Variants in IQCN observed in about 807,000 individuals in gnomAD.
IQCN encodes the protein IQ motif containing N.
In IQCN, 46 loss-of-function variants were observed where a neutral mutation model predicts 64.4. The observed-to-expected ratio is 0.71, with a 90% CI of 0.56 to 0.91. The LOEUF (loss-of-function observed/expected upper bound fraction) is 0.91, where lower values mean the gene tolerates loss of function less well. Ranked by LOEUF, IQCN falls within the 40% of genes least tolerant of loss-of-function variation. IQCN has a pLI of 0.00. For synonymous variants in IQCN, 733 were observed against 775.6 expected (o/e 0.95, Z 0.91); for missense variants, 1,753 against 1,857.4 (o/e 0.94, Z 1.03).
intron 1 of IQCN, among the ~76,000 whole-genome samples, chr19:18,273,242 G>C (rs1416406419): frequency 2.0e-5 from 3 of 151,696 alleles, no homozygotes; most frequent in Non-Finnish European, 4.4e-5. Context: ...ATGTTGGCCA[G>C]ACTGGTCTCG....
intron 3 of IQCN, 152 bp from the exon 4 acceptor site, chr19:18,258,258 A>C: frequency 1.2e-6 from 1 of 824,384 alleles, no homozygotes. Context: ...CACCCTCCGA[A>C]CTCCCGGGGC....
chr19:18,262,014 G>C (rs564174599), intron 3 of IQCN: 2 of 153,240 alleles, frequency 1.3e-5, no homozygotes, highest in Middle Eastern at 6.8e-3. Flanking sequence ...GGACACCTCA[G>C]TGGCCACAGA....
intron 2 of IQCN, 114 bp downstream of exon 2, chr19:18,269,352 G>A: frequency 9.7e-7 from 1 of 1,027,916 alleles, no homozygotes. Flanking sequence ...AGAGAGCTGG[G>A]ACACTGTCAA....
chr19:18,257,949 A>T lies in IQCN; in HGVS notation c.3335T>A (p.Ile1112Asn), dbSNP rs772484302. The change falls in exon 4 of 4, where the codon ATC becomes AAC. Residue 1112 changes from isoleucine (I) to asparagine (N), a missense_variant. Physicochemically the swap from Ile to Asn is moderately radical, Grantham distance 149 (BLOSUM62 -3). Transcript: ENST00000392413. ...PMVSMQAAEE[I>N]RILAVITIQA... ...GATAGTGATCACTGCGAGGATGCGG[A>T]TCTCCTCTGCAGCCTGCATGGACAC... 1.9e-6 allele frequency: 3 copies of T among 1,612,848 alleles called. No individual in the cohort carries two copies. The highest frequency in any genetic ancestry group is 2.5e-6 in the Non-Finnish European group (3 of 1,179,940).
In IQCN at chr19:18,265,755, A is replaced by C. The variant is rs1417337533; in HGVS notation, c.1785T>G (p.Ala595=). The change falls in exon 3 of 4, where the codon GCT becomes GCG. Residue 595 remains alanine, a synonymous_variant. Coordinates refer to ENST00000392413, the MANE Select transcript of IQCN (RefSeq NM_001145304.2). This position sits in a 1 kb window ranked among gnomAD's most constrained non-coding sequence, Gnocchi z 4.7. Reference sequence around the variant, plus strand: ...CGGCTTCCAAAGGAAGCTCAGCTGCAGCCCTGGGGACCCCAGTTCCCGGAT... The same window carrying C: ...CGGCTTCCAAAGGAAGCTCAGCTGCCGCCCTGGGGACCCCAGTTCCCGGAT... The part of the protein sequence containing the change: ...QPHPGTGVPR[A]AAELPLEAEK... 7 of 1,614,166 alleles carry C rather than the reference A, an allele frequency of 4.3e-6. No homozygotes were observed. Among genetic ancestry groups the C allele is most frequent in the Admixed American group, 3.3e-5 (2 of 60,030 alleles).
At position 18,266,390 on chromosome 19, in the gene IQCN, C is replaced by T. The variant is rs61740748; in HGVS notation, c.1150G>A (p.Gly384Arg). 17 of 1,603,834 alleles carry T rather than the reference C, an allele frequency of 1.1e-5. No homozygotes were observed. The African/African-American group carries it at 2.0e-4, about 19-fold the overall frequency. The change falls in exon 3 of 4, where the codon GGG becomes AGG. Residue 384 changes from glycine to arginine, a missense_variant. By Grantham distance (125) the Gly-to-Arg change is moderately radical. Coordinates refer to ENST00000392413, the MANE Select transcript of IQCN (RefSeq NM_001145304.2). This position sits in a 1 kb window ranked among gnomAD's most constrained non-coding sequence, Gnocchi z 4.3. ...IIKTPAQMYP[G>R]PTVTKTAPHT... ...GGTGCAGTTTTGGTCACTGTGGGCC[C>T]CGGATACATCTGGGCTGGGGTCTTG...
intron 1 of IQCN, among the ~76,000 whole-genome samples, chr19:18,271,196 G>A (rs768512015): frequency 2.1e-5 from 3 of 145,348 alleles, no homozygotes; most frequent in African/African-American, 5.4e-5. Flanking sequence ...AAAACCAGGC[G>A]CAGTGGCTCA....
At position 18,265,866 on chromosome 19, in the gene IQCN, C is replaced by G. The variant is rs760244925; in HGVS notation, c.1674G>C (p.Val558=). Residue 558 remains valine (V), a synonymous_variant, in exon 3 of 4, where the codon GTG becomes GTC. Coordinates refer to ENST00000392413, the MANE Select transcript of IQCN (RefSeq NM_001145304.2). This position sits in a 1 kb window ranked among gnomAD's most constrained non-coding sequence, Gnocchi z 4.7. Reference sequence around the variant, plus strand: ...CCACCTTTGCAGCCTGCTTCACATTCACGGTGGCCTTGGCCTTGGGTGGGT... The same window carrying G: ...CCACCTTTGCAGCCTGCTTCACATTGACGGTGGCCTTGGCCTTGGGTGGGT... ...HENPPKAKAT[V]NVKQAAKVVK... is the part of the protein sequence containing the mutation. 1.2e-5 allele frequency: 20 copies of G among 1,614,090 alleles called. No homozygotes were observed. The highest frequency in any genetic ancestry group is 1.7e-5 in the Non-Finnish European group (20 of 1,180,044).
At position 18,267,283 on chromosome 19, in the gene IQCN, A is replaced by G. The variant is rs1183625551; in HGVS notation, c.257T>C (p.Val86Ala). 1.2e-6 allele frequency: 2 copies of G among 1,614,140 alleles called. No individual in the cohort carries two copies. Among genetic ancestry groups the G allele is most frequent in the Non-Finnish European group, 1.7e-6 (2 of 1,180,062 alleles). ...GATGTTCTTGAAGGCCTGGCTCTCG[A>G]CCACAGCCCGGAGGCGTGGGACGCG... ...SRRVPRLRAV[V>A]ESQAFKNILV... Residue 86 changes from valine (V) to alanine (A), a missense_variant, in exon 3 of 4, where the codon GTC becomes GCC. Val to Ala is a moderately conservative substitution (Grantham distance 64). Coordinates refer to ENST00000392413, the MANE Select transcript of IQCN (RefSeq NM_001145304.2).
At position 18,257,813 on chromosome 19, in the gene IQCN, T is replaced by C; in HGVS notation, c.3471A>G (p.Ala1157=). 6 of 1,611,056 alleles carry C rather than the reference T, an allele frequency of 3.7e-6. No homozygotes were observed. The highest frequency in any genetic ancestry group is 1.1e-5 in the South Asian group (1 of 90,978). The change falls in exon 4 of 4, where the codon GCA becomes GCG. Residue 1157 remains alanine, a synonymous_variant. Coordinates refer to ENST00000392413, the MANE Select transcript of IQCN (RefSeq NM_001145304.2). ...TGGTCGTGGTGGCTCTGCAGAGGTGTGCCAGGTTCCGCCGCACACGGTAGC... is the reference window on the plus strand; with the variant it reads ...TGGTCGTGGTGGCTCTGCAGAGGTGCGCCAGGTTCCGCCGCACACGGTAGC... ...WRGYRVRRNL[A]HLCRATTTIQ... is the part of the protein sequence containing the mutation.
At position 18,266,499 on chromosome 19, in the gene IQCN, G is replaced by A. The variant is rs201431402; in HGVS notation, c.1041C>T (p.Ser347=). Residue 347 remains serine (S), a synonymous_variant, in exon 3 of 4, where the codon TCC becomes TCT. Coordinates refer to ENST00000392413, the MANE Select transcript of IQCN (RefSeq NM_001145304.2). This position sits in a 1 kb window ranked among gnomAD's most constrained non-coding sequence, Gnocchi z 4.3. ...KTLLQTYPVV[S]VTLPQTYPAS... ...CTGGATATGTCTGTGGCAGGGTCACGGAGACCACTGGATATGTCTGGAGTA... is the reference window on the plus strand; with the variant it reads ...CTGGATATGTCTGTGGCAGGGTCACAGAGACCACTGGATATGTCTGGAGTA... The A allele has an allele frequency of 5.5e-5, 88 of 1,600,588 alleles. No individual in the cohort carries two copies. In the East Asian group the frequency reaches 1.4e-3, roughly 25 times the overall value.
chr19:18,258,453 C>T, intron 3 of IQCN: 1 of 551,014 alleles, frequency 1.8e-6, no homozygotes, highest in East Asian at 4.4e-5. Flanking sequence ...AACAATCCTA[C>T]CATGCACGGA....
At position 18,257,740 on chromosome 19, in the gene IQCN, G is replaced by C. The variant is rs758753850; in HGVS notation, c.3544C>G (p.His1182Asp). The C allele has an allele frequency of 1.9e-6, 3 of 1,611,034 alleles. No individual in the cohort carries two copies. Among genetic ancestry groups the C allele is most frequent in the Non-Finnish European group, 2.5e-6 (3 of 1,178,922 alleles). ...GTGACGGGGTGGAGCATCTGCCAGT[G>C]CCGGGCTTGGTCCCGGCGGGTGCTG... The part of the protein sequence containing the change: ...GYSTRRDQAR[H>D]WQMLHPVTWV... Residue 1182 changes from histidine to aspartate, a missense_variant, in exon 4 of 4, where the codon CAC becomes GAC. His to Asp is a moderately conservative substitution (Grantham distance 81, BLOSUM62 -1). Coordinates refer to ENST00000392413, the MANE Select transcript of IQCN (RefSeq NM_001145304.2).
In IQCN at chr19:18,267,536, CG is replaced by C; in HGVS notation, c.14-11del. ...GACAGGTCAGCTCTGCCTGTGGGGGCGGCAGGGGGTGGTCAGGGTGTAGCAG... is the reference window on the plus strand; with the variant it reads ...GACAGGTCAGCTCTGCCTGTGGGGGCGCAGGGGGTGGTCAGGGTGTAGCAG... On this transcript the variant is annotated splice_polypyrimidine_tract_variant and intron_variant, in intron 2 of 3. Coordinates refer to ENST00000392413, the MANE Select transcript of IQCN (RefSeq NM_001145304.2). 1 of 1,511,824 alleles carries C rather than the reference CG, an allele frequency of 6.6e-7. No individual in the cohort carries two copies. Among genetic ancestry groups the C allele is most frequent in the Non-Finnish European group, 8.8e-7 (1 of 1,132,756 alleles). 93.7% of individuals were successfully genotyped at this position (1,511,824 alleles called of 1,614,324 possible).
At chr19:18,274,027 T>C (rs1969798957) in intron 1 of IQCN, among the ~76,000 whole-genome samples, 2 of 152,100 alleles carry the variant, frequency 1.3e-5, no homozygotes, top group South Asian at 4.2e-4. Flanking sequence ...TCCAAGCACT[T>C]TGGGGGACCA....
In IQCN at chr19:18,264,189, G is replaced by C. The variant is rs1969489445; in HGVS notation, c.3177+174C>G. ...CATGGGATACAGGCCAGTGATCAGG[G>C]GACCCTGGTGAATGCTGGTGATGAC... On this transcript the variant is annotated intron_variant, in intron 3 of 3. Coordinates refer to ENST00000392413, the MANE Select transcript of IQCN (RefSeq NM_001145304.2). The surrounding 1 kb of genome is among the most constrained non-coding windows in gnomAD (Gnocchi z 4.3). Among the ~76,000 whole-genome samples the C allele has an allele frequency of 6.6e-6, 1 of 152,056 alleles. No homozygotes were observed. Among genetic ancestry groups the C allele is most frequent in the Admixed American group, 6.5e-5 (1 of 15,270 alleles).
At chr19:18,261,397 G>A (rs924880204) in intron 3 of IQCN, 2 of 153,762 alleles carry the variant, frequency 1.3e-5, no homozygotes, top group African/African-American at 4.9e-5. Context: ...CCAATGGTCT[G>A]AGATGGCATG....
intron 3 of IQCN, chr19:18,258,596 C>T (rs189857744): frequency 2.8e-5 from 10 of 361,076 alleles, no homozygotes; most frequent in South Asian, 6.1e-5. Context: ...TAGCCGAGGA[C>T]GGATATAGTG....
rs1199029960 is a variant in IQCN at position 18,266,032 on chromosome 19, T to TTA, written c.1507_1508insTA (p.Lys503IlefsTer35). 1 of 1,614,112 alleles carries TTA rather than the reference T, an allele frequency of 6.2e-7. No individual in the cohort carries two copies. On this transcript the variant is annotated frameshift_variant, in exon 3 of 4. Coordinates refer to ENST00000392413, the MANE Select transcript of IQCN (RefSeq NM_001145304.2). LOFTEE classifies it high-confidence loss of function. The surrounding 1 kb of genome is among the most constrained non-coding windows in gnomAD (Gnocchi z 4.3). ...CACCGAGCGTAACTGGGCTGGGGTC[T>TTA]TGGTTATCATGGCTGGCAGGCGGGT...
Sources: gnomAD v4.1 joint callset for allele counts (sites outside exome capture counted in the v4.1 genomes callset) on GRCh38, gnomAD v4.1.1 for gene constraint, Gnocchi (gnomAD v3.1) non-coding constraint, MANE v1.5 for transcripts, NCBI Gene and HGNC (gene_info 2026-07-23, HGNC 2026-07-21) for gene names.